The following GRB10 variants were observed in gnomAD, a reference collection of about 807,000 sequenced individuals.
GRB10 encodes growth factor receptor bound protein 10, also known as growth factor receptor-bound protein 10.
Under a neutral mutation model 80.9 loss-of-function variants are expected in GRB10, and 20 were observed. The observed-to-expected ratio is 0.25, with a 90% CI of 0.17 to 0.36. The LOEUF is 0.36. Among genes scored for constraint, GRB10 ranks in the 10% least tolerant of loss-of-function variants. The pLI, the probability that GRB10 is intolerant of heterozygous loss-of-function variation, is 1.00. For synonymous variants in GRB10, 291 were observed against 291.5 expected (o/e 1.00, Z 0.02); for missense variants, 548 against 747.7 (o/e 0.73, Z 3.12).
chr7:50,617,924 C>A, intron 10 of GRB10, 147 bp downstream of exon 10: 1 of 747,312 alleles, frequency 1.3e-6, no homozygotes, highest in Non-Finnish European at 2.4e-6. Context: ...TAAACCCTCC[C>A]CCCAACCACC....
intron 3 of GRB10, among the ~76,000 whole-genome samples, chr7:50,735,664 C>T (rs1441217447): frequency 6.6e-6 from 1 of 152,060 alleles, no homozygotes; most frequent in African/African-American, 2.4e-5. Flanking sequence ...GAAAATCTTA[C>T]CTTATGGTCA....
chr7:50,755,816 TAATC>T (rs2074992383), intron 3 of GRB10, 67 bp downstream of exon 3: 6 of 398,566 alleles, frequency 1.5e-5, no homozygotes, highest in Non-Finnish European at 1.8e-5. Flanking sequence ...CTGACCACCT[TAATC>T]AATACTGAAC....
chr7:50,603,162 A>G (rs561793415), intron 17 of GRB10, among the ~76,000 whole-genome samples: 1 of 152,336 alleles, frequency 6.6e-6, no homozygotes, highest in Admixed American at 6.5e-5. Flanking sequence ...CAGCTCCCAC[A>G]TGGATGTAAC....
upstream of GRB10, among the ~76,000 whole-genome samples, chr7:50,783,111 C>G (rs917469683): frequency 2.0e-5 from 3 of 152,238 alleles, no homozygotes; most frequent in African/African-American, 4.8e-5. Flanking sequence ...CTACCCGCTA[C>G]GCCGCATTCG....
Position 50,732,258 on chromosome 7 carries a change from G to A in GRB10, c.51+14C>T. 6.2e-7 allele frequency: 1 copy of A among 1,613,624 alleles called. No homozygotes were observed. The highest frequency in any genetic ancestry group is 1.1e-5 in the South Asian group (1 of 91,068). ...ACCATCGGGCCAGGATCAGATATAT[G>A]TGCTCGCCCATACCTGGTAGTACGG... is the stretch of plus-strand genomic sequence containing the variant. On this transcript the variant is annotated intron_variant, in intron 4 of 18. Transcript: ENST00000401949.
intron 7 of GRB10, among the ~76,000 whole-genome samples, chr7:50,636,022 G>GAGTGC (rs199758178): frequency 0.09 from 11,970 of 133,044 alleles, 773 homozygotes; most frequent in Non-Finnish European, 0.11. Context: ...TCCCAGGCTG[G>GAGTGC]AGTGCAGTGC....
rs978384228 is a variant in GRB10 at position 50,616,308 on chromosome 7, A to G, written c.886T>C (p.Phe296Leu). The G allele has an allele frequency of 1.2e-6, 2 of 1,613,984 alleles. No homozygotes were observed. The highest frequency in any genetic ancestry group is 2.7e-5 in the African/African-American group (2 of 74,894). ...NSSSCPEIQG[F>L]LHVKELGKKS... ...TTTCCCAGCTCTTTCACATGCAAAA[A>G]CCCTTGAATTTCAGGACAACTACTG... Residue 296 changes from phenylalanine (F) to leucine (L), a missense_variant, in exon 11 of 19, where the codon TTT (phenylalanine) becomes CTT (leucine). By Grantham distance (22) the Phe-to-Leu change is conservative. Coordinates refer to ENST00000401949, the MANE Select transcript of GRB10 (RefSeq NM_001350814.2).
At position 50,674,603 on chromosome 7, in the gene GRB10, G is replaced by A. The variant is rs1554548316; in HGVS notation, c.195C>T (p.Ser65=). 1 of 1,613,700 alleles carries A rather than the reference G, an allele frequency of 6.2e-7. No homozygotes were observed. The highest frequency in any genetic ancestry group is 1.1e-5 in the South Asian group (1 of 91,086). Residue 65 remains serine (S), a synonymous_variant, in exon 6 of 19, where the codon AGC becomes AGT. Coordinates refer to ENST00000401949, the MANE Select transcript of GRB10 (RefSeq NM_001350814.2). ...ACTGCATGCTGCAGGCCGAGTACAGGCTCTCCAGGGATGCATTCATATCGT... is the reference window on the plus strand; with the variant it reads ...ACTGCATGCTGCAGGCCGAGTACAGACTCTCCAGGGATGCATTCATATCGT... ...LVNDMNASLE[S]LYSACSMQSD...
chr7:50,734,481 C>T (rs1343344491), intron 3 of GRB10, among the ~76,000 whole-genome samples: 1 of 152,166 alleles, frequency 6.6e-6, no homozygotes, highest in African/African-American at 2.4e-5. Flanking sequence ...CGCCGCACGC[C>T]TCCCTGCTGT....
At chr7:50,653,713 G>C (rs139796761) in intron 7 of GRB10, among the ~76,000 whole-genome samples, 115 of 152,324 alleles carry the variant, frequency 7.5e-4, no homozygotes, top group African/African-American at 2.6e-3. Flanking sequence ...ATCGGGAAGA[G>C]ACTTAAGTTT....
chr7:50,709,584 C>T (rs965441302), intron 4 of GRB10, among the ~76,000 whole-genome samples: 2 of 151,870 alleles, frequency 1.3e-5, no homozygotes, highest in Non-Finnish European at 2.9e-5. Flanking sequence ...ACCCCCACCC[C>T]GCGCCCTCCG....
At chr7:50,790,018 CA>C (rs1268437074) in intron 1 of GRB10, among the ~76,000 whole-genome samples, 3 of 152,136 alleles carry the variant, frequency 2.0e-5, no homozygotes, top group Non-Finnish European at 2.9e-5. Flanking sequence ...GGAGCATGGA[CA>C]AAAGCCTCCA....
At chr7:50,662,986 A>G (rs1217827291) in intron 7 of GRB10, among the ~76,000 whole-genome samples, 2 of 152,212 alleles carry the variant, frequency 1.3e-5, no homozygotes, top group African/African-American at 2.4e-5. Context: ...CTTCCATAAC[A>G]TAGATTCATT....
chr7:50,691,784 AG>A (rs1202882713), intron 5 of GRB10, among the ~76,000 whole-genome samples: 16 of 152,210 alleles, frequency 1.1e-4, no homozygotes, highest in African/African-American at 3.9e-4. Flanking sequence ...CCCGAATAGA[AG>A]GTATTTAGTG....
chr7:50,713,433 C>CCAT (rs1328677638), intron 4 of GRB10, among the ~76,000 whole-genome samples: 1 of 151,810 alleles, frequency 6.6e-6, no homozygotes, highest in Non-Finnish European at 1.5e-5. Context: ...ACCACCCCCA[C>CCAT]CATCATTTCA....
intron 3 of GRB10, among the ~76,000 whole-genome samples, chr7:50,750,050 C>G (rs767266983): frequency 5.3e-5 from 8 of 152,216 alleles, no homozygotes; most frequent in Non-Finnish European, 1.2e-4. Flanking sequence ...GCTGGCCCCA[C>G]TCTCCCAGGT....
chr7:50,697,960 A>C (rs1237453224), intron 5 of GRB10, among the ~76,000 whole-genome samples: 2 of 152,232 alleles, frequency 1.3e-5, no homozygotes, highest in African/African-American at 2.4e-5. Flanking sequence ...GGACCCACTT[A>C]AAAGAAGGAT....
chr7:50,593,300 G>A (rs1455907612), intron 18 of GRB10, among the ~76,000 whole-genome samples: 1 of 152,186 alleles, frequency 6.6e-6, no homozygotes, highest in African/African-American at 2.4e-5. Flanking sequence ...CTGAGCGAGG[G>A]ACAGACTTTG....
chr7:50,619,915 T>C (rs1390736964), intron 8 of GRB10, among the ~76,000 whole-genome samples: 1 of 151,152 alleles, frequency 6.6e-6, no homozygotes, highest in African/African-American at 2.4e-5. Context: ...CAGCACCCGC[T>C]GTGGACACGT....
Sources: allele counts gnomAD v4.1 joint callset (sites outside exome capture counted in the v4.1 genomes callset), GRCh38; gene constraint gnomAD v4.1.1; transcripts MANE v1.5; gene names NCBI Gene and HGNC (gene_info 2026-07-23, HGNC 2026-07-21).